TENM4: variants seen among roughly 807,000 people sequenced by gnomAD.
TENM4 encodes teneurin transmembrane protein 4.
A neutral mutation model predicts 243.3 loss-of-function variants in TENM4; 82 were observed. The ratio of observed to expected loss-of-function variants is 0.34; its 90% CI spans 0.28 to 0.40. The LOEUF is 0.40. Ranked by LOEUF, TENM4 falls within the 10% of genes least tolerant of loss-of-function variation. The pLI, the probability that TENM4 is intolerant of heterozygous loss-of-function variation, is 1.00. For synonymous variants in TENM4, 1,412 were observed against 1,456.3 expected (o/e 0.97, Z 0.69); for missense variants, 3,138 against 3,673.3 (o/e 0.85, Z 3.77).
intron 2 of TENM4, among the ~76,000 whole-genome samples, chr11:79,274,004 T>A (rs113515745): frequency 0.014 from 2,074 of 152,256 alleles, 63 homozygotes; most frequent in African/African-American, 0.048. Context: ...CTCCTCAGCA[T>A]CTGCAAGCTT....
At chr11:79,123,954 C>T (rs1171330488) in intron 4 of TENM4, among the ~76,000 whole-genome samples, 1 of 152,136 alleles carries the variant, frequency 6.6e-6, no homozygotes, top group African/African-American at 2.4e-5. Context: ...ACAGGGAAAA[C>T]TTTCTTTTTC....
chr11:78,880,186 T>G (rs1270622863), intron 9 of TENM4, among the ~76,000 whole-genome samples: 1 of 152,196 alleles, frequency 6.6e-6, no homozygotes, highest in Non-Finnish European at 1.5e-5. Flanking sequence ...ACATGTGCTG[T>G]GTCAACTCAG....
At chr11:78,900,125 T>C (rs1855896443) in intron 7 of TENM4, among the ~76,000 whole-genome samples, 1 of 152,252 alleles carries the variant, frequency 6.6e-6, no homozygotes, top group South Asian at 2.1e-4. Context: ...ATAGCCTAGC[T>C]GAGCTCTTCC....
intron 1 of TENM4, among the ~76,000 whole-genome samples, chr11:79,394,838 T>A (rs1858308270): frequency 6.6e-6 from 1 of 151,946 alleles, no homozygotes; most frequent in Non-Finnish European, 1.5e-5. Context: ...CATGAAGATA[T>A]AGAGAGAAGA....
chr11:79,026,182 A>G (rs1399897278), intron 6 of TENM4, among the ~76,000 whole-genome samples: 2 of 151,980 alleles, frequency 1.3e-5, no homozygotes, highest in African/African-American at 4.8e-5. Context: ...TTTGTTATGT[A>G]TAACATTCAT....
At chr11:78,954,497 A>G (rs1447192797) in intron 6 of TENM4, among the ~76,000 whole-genome samples, 1 of 152,234 alleles carries the variant, frequency 6.6e-6, no homozygotes, top group East Asian at 1.9e-4. Context: ...GAGGAAGTCT[A>G]AGTTGGGAAC....
rs1447684945 is a variant in TENM4, at chr11:78,654,276, C to G, written c.*3782G>C. On this transcript the variant is annotated 3_prime_UTR_variant, in exon 34 of 34. Transcript: ENST00000278550. ...AGCAGTGGATGCTCAAATCCCCAAG[C>G]CTGACACCCTGCTGAGAGCTTGAAA... The G allele has an allele frequency of 6.6e-6, 1 of 152,154 alleles. No individual in the cohort carries two copies. The highest frequency in any genetic ancestry group is 1.9e-4 in the East Asian group (1 of 5,182). 9.4% of individuals were successfully genotyped at this position (152,154 alleles called of 1,614,324 possible).
intron 4 of TENM4, among the ~76,000 whole-genome samples, chr11:79,115,702 C>CA (rs1260859146): frequency 1.3e-5 from 2 of 152,146 alleles, no homozygotes; most frequent in Non-Finnish European, 2.9e-5. Flanking sequence ...TTGGGCATTC[C>CA]AAAGTGCTTG....
At chr11:79,111,449 G>T (rs1861504967) in intron 4 of TENM4, among the ~76,000 whole-genome samples, 1 of 152,176 alleles carries the variant, frequency 6.6e-6, no homozygotes. Context: ...GGAGGCTGAG[G>T]CAGGAGAATG....
chr11:79,028,273 T>C (rs1859133282), intron 6 of TENM4, among the ~76,000 whole-genome samples: 1 of 152,232 alleles, frequency 6.6e-6, no homozygotes, highest in Non-Finnish European at 1.5e-5. Context: ...CTATGTATTT[T>C]CCACTGTTTA....
At chr11:78,763,869 C>T (rs1716161166) in intron 18 of TENM4, among the ~76,000 whole-genome samples, 1 of 152,228 alleles carries the variant, frequency 6.6e-6, no homozygotes, top group Admixed American at 6.5e-5. Context: ...AGTGTCTTTC[C>T]CATGCTGGTA....
intron 32 of TENM4, among the ~76,000 whole-genome samples, chr11:78,663,139 G>C (rs1170923507): frequency 6.6e-6 from 1 of 152,208 alleles, no homozygotes; most frequent in Non-Finnish European, 1.5e-5. Context: ...CAGACAGACA[G>C]CCTGTGTCCC....
At chr11:78,881,598 T>G (rs1307990316) in intron 9 of TENM4, among the ~76,000 whole-genome samples, 1 of 152,116 alleles carries the variant, frequency 6.6e-6, no homozygotes, top group Admixed American at 6.5e-5. Flanking sequence ...CACACTGCCC[T>G]CACTTTTGTA....
At chr11:79,349,641 CAT>C (rs1327045233) in intron 1 of TENM4, among the ~76,000 whole-genome samples, 1 of 152,148 alleles carries the variant, frequency 6.6e-6, no homozygotes, top group Non-Finnish European at 1.5e-5. Flanking sequence ...GCAACACACA[CAT>C]GTACACCTAC....
intron 4 of TENM4, among the ~76,000 whole-genome samples, chr11:79,088,468 C>G (rs955518585): frequency 1.3e-5 from 2 of 152,096 alleles, no homozygotes; most frequent in African/African-American, 4.8e-5. Flanking sequence ...AGCCAAGGTT[C>G]GACTCCCAGC....
At chr11:79,409,561 AGCCCC>A (rs1194274835) in intron 1 of TENM4, among the ~76,000 whole-genome samples, 3 of 152,102 alleles carry the variant, frequency 2.0e-5, no homozygotes, top group African/African-American at 7.2e-5. Flanking sequence ...GTGGAAGAAT[AGCCCC>A]CCCGGAACCA....
chr11:78,702,331 C>T lies in TENM4; in HGVS notation c.4282G>A (p.Val1428Met), dbSNP rs766541446. 1 of 1,614,044 alleles carries T rather than the reference C, an allele frequency of 6.2e-7. No individual in the cohort carries two copies. The highest frequency in any genetic ancestry group is 1.7e-5 in the Admixed American group (1 of 60,032). The change falls in exon 28 of 34, where the codon GTG (valine) becomes ATG (methionine). Residue 1428 changes from valine to methionine, a missense_variant. Coordinates refer to ENST00000278550, the MANE Select transcript of TENM4 (RefSeq NM_001098816.3). ...DNSLYVLDNNVVLQISENHQV... is the reference protein window; with the variant it reads ...DNSLYVLDNNMVLQISENHQV... Reference sequence around the variant, plus strand: ...TGGTTTTCAGAGATTTGCAGGACCACATTGTTGTCGAGGACATAAAGTGAG... The same window carrying T: ...TGGTTTTCAGAGATTTGCAGGACCATATTGTTGTCGAGGACATAAAGTGAG...
intron 1 of TENM4, among the ~76,000 whole-genome samples, chr11:79,344,490 G>A (rs1274310721): frequency 6.6e-6 from 1 of 152,204 alleles, no homozygotes; most frequent in Non-Finnish European, 1.5e-5. Context: ...CTGGTTTGGA[G>A]CTATGGAACT....
At chr11:79,312,097 C>T (rs189154058) in intron 1 of TENM4, among the ~76,000 whole-genome samples, 2 of 152,248 alleles carry the variant, frequency 1.3e-5, no homozygotes, top group Admixed American at 6.5e-5. Flanking sequence ...AGAGCTCCCT[C>T]CTCCAGGAAG....
Sources: gnomAD v4.1 joint callset for allele counts (sites outside exome capture counted in the v4.1 genomes callset) on GRCh38, gnomAD v4.1.1 for gene constraint, MANE v1.5 for transcripts, NCBI Gene and HGNC (gene_info 2026-07-23, HGNC 2026-07-21) for gene names.